The following MOV10L1 variants were observed in gnomAD, a reference collection of about 807,000 sequenced individuals.
The protein encoded by MOV10L1 is RNA helicase Mov10l1.
A neutral mutation model predicts 143.8 loss-of-function variants in MOV10L1; 110 were observed. The ratio of observed to expected loss-of-function variants is 0.76; its 90% CI spans 0.66 to 0.90. The LOEUF (loss-of-function observed/expected upper bound fraction) is 0.90, where lower values mean the gene tolerates loss of function less well. MOV10L1 is among the 40% of genes least tolerant of loss of function. MOV10L1 has a pLI of 0.00. For missense variants in MOV10L1, 1,406 were observed against 1,526.8 expected, an observed-to-expected ratio of 0.92 and a Z score of 1.32; for synonymous variants, 593 against 581.1, an observed-to-expected ratio of 1.02 and a Z score of -0.29.
chr22:50,144,270 G>A (rs781544174), intron 18 of MOV10L1, 27 bp downstream of exon 18: 2 of 1,578,676 alleles, frequency 1.3e-6, no homozygotes, highest in Non-Finnish European at 1.7e-6. Flanking sequence ...AGCAGTGGGG[G>A]GCACCAGAAC....
chr22:50,096,974 G>C (rs2062605668), intron 2 of MOV10L1, among the ~76,000 whole-genome samples: 1 of 151,900 alleles, frequency 6.6e-6, no homozygotes, highest in Non-Finnish European at 1.5e-5. Flanking sequence ...TTTAAATTTT[G>C]GTGGAAGTCT....
intron 11 of MOV10L1, 32 bp from the exon 12 acceptor site, chr22:50,126,170 G>A (rs745790489): frequency 2.0e-6 from 3 of 1,474,376 alleles, no homozygotes; most frequent in Admixed American, 3.4e-5. Context: ...TTTTGTGTTA[G>A]CTTTAAACAT....
intron 22 of MOV10L1, among the ~76,000 whole-genome samples, chr22:50,155,039 T>C (rs1434558159): frequency 6.6e-6 from 1 of 152,186 alleles, no homozygotes; most frequent in Non-Finnish European, 1.5e-5. Flanking sequence ...TTATCTTTCT[T>C]AGTCATTTTA....
intron 7 of MOV10L1, 53 bp downstream of exon 7, chr22:50,114,675 G>T: frequency 6.3e-7 from 1 of 1,597,650 alleles, no homozygotes; most frequent in Admixed American, 1.7e-5. Flanking sequence ...TGGGGGCCGT[G>T]GGGTTGTGAG....
intron 18 of MOV10L1, among the ~76,000 whole-genome samples, chr22:50,145,476 G>C (rs1054995751): frequency 2.6e-5 from 4 of 152,270 alleles, no homozygotes; most frequent in Middle Eastern, 6.8e-3. Flanking sequence ...AAGTTGTTTT[G>C]GGGAAGGGTC....
In MOV10L1 at chr22:50,158,290, C is replaced by T; in HGVS notation, c.3216+84C>T. The stretch of plus-strand genomic sequence containing the variant: ...TCCTGCAGCTCCACAGAGGCAGGAA[C>T]AAGCTCCTTGTGAGCAGCAGCAGGT... On this transcript the variant is annotated intron_variant, in intron 23 of 26. Coordinates refer to ENST00000262794, the MANE Select transcript of MOV10L1 (RefSeq NM_018995.3). The surrounding 1 kb of genome is among the most constrained non-coding windows in gnomAD (Gnocchi z 5.0). The T allele has an allele frequency of 6.5e-7, 1 of 1,541,292 alleles. No individual in the cohort carries two copies. The highest frequency in any genetic ancestry group is 8.9e-7 in the Non-Finnish European group (1 of 1,128,940).
chr22:50,113,395 A>G (rs2340597), intron 5 of MOV10L1, among the ~76,000 whole-genome samples: 34,189 of 152,108 alleles, frequency 0.22, 4,202 homozygotes, highest in Admixed American at 0.35. Flanking sequence ...GAGCACGTTC[A>G]GGACACCGTT....
At chr22:50,121,125 G>A (rs1375363141) in intron 10 of MOV10L1, among the ~76,000 whole-genome samples, 1 of 152,186 alleles carries the variant, frequency 6.6e-6, no homozygotes, top group Non-Finnish European at 1.5e-5. Context: ...TTTGAGGGGA[G>A]AACATTGCCC....
chr22:50,113,190 A>G (rs944756814), intron 5 of MOV10L1, among the ~76,000 whole-genome samples: 6 of 152,262 alleles, frequency 3.9e-5, no homozygotes, highest in African/African-American at 1.4e-4. Flanking sequence ...TCATTTTCTA[A>G]AGAGAAAAAC....
intron 18 of MOV10L1, among the ~76,000 whole-genome samples, chr22:50,145,384 T>C (rs1225332335): frequency 6.6e-6 from 1 of 152,154 alleles, no homozygotes; most frequent in Non-Finnish European, 1.5e-5. Flanking sequence ...ATTGCACCAT[T>C]GCACTCCAGC....
At chr22:50,126,848 C>G (rs972691766) in intron 12 of MOV10L1, among the ~76,000 whole-genome samples, 2 of 152,122 alleles carry the variant, frequency 1.3e-5, no homozygotes, top group African/African-American at 4.8e-5. Context: ...CCTTTACTGT[C>G]AGAAGGAAGA....
chr22:50,106,858 C>T (rs917896363), intron 3 of MOV10L1, among the ~76,000 whole-genome samples: 9 of 151,446 alleles, frequency 5.9e-5, no homozygotes, highest in Non-Finnish European at 1.0e-4. Context: ...CCTGCCACCA[C>T]GCCTGGCTAA....
intron 10 of MOV10L1, among the ~76,000 whole-genome samples, chr22:50,121,335 C>T (rs145960262): frequency 6.6e-6 from 1 of 152,224 alleles, no homozygotes; most frequent in Non-Finnish European, 1.5e-5. Context: ...CTTGTTTTAC[C>T]AGGAGGACAG....
At chr22:50,133,276 T>C (rs2062728446) in intron 13 of MOV10L1, among the ~76,000 whole-genome samples, 1 of 151,576 alleles carries the variant, frequency 6.6e-6, no homozygotes, top group Admixed American at 6.6e-5. Context: ...AGATAGATTC[T>C]TATTTTAGTG....
chr22:50,106,183 G>C (rs2061860327), intron 3 of MOV10L1, among the ~76,000 whole-genome samples: 1 of 151,968 alleles, frequency 6.6e-6, no homozygotes, highest in Admixed American at 6.6e-5. Flanking sequence ...TTAGAGACGG[G>C]GTCTTGCTCT....
intron 3 of MOV10L1, among the ~76,000 whole-genome samples, chr22:50,106,686 T>A (rs2061875494): frequency 6.7e-6 from 1 of 150,334 alleles, no homozygotes; most frequent in African/African-American, 2.4e-5. Context: ...AAATTGTGGT[T>A]TTAGGACATG....
At chr22:50,095,330 G>A (rs2062561669) in intron 2 of MOV10L1, 1 of 152,104 alleles carries the variant, frequency 6.6e-6, no homozygotes, top group Non-Finnish European at 1.5e-5. Context: ...TAGTATTTAT[G>A]GACTTCCATC....
rs2062383502 is a variant in MOV10L1 at position 50,090,047 on chromosome 22, G to T, written c.-42G>T. The T allele has an allele frequency of 8.3e-7, 1 of 1,202,022 alleles. No individual in the cohort carries two copies. Among genetic ancestry groups the T allele is most frequent in the Non-Finnish European group, 1.0e-6 (1 of 966,622 alleles). 74.5% of individuals were successfully genotyped at this position (1,202,022 alleles called of 1,614,324 possible). ...GGGAGCGGCGCGGGCGCGTGCGGGC[G>T]GCGGCAGCGGCGGTGACGGCAGCCT... is the stretch of plus-strand genomic sequence containing the variant. On this transcript the variant is annotated 5_prime_UTR_variant, in exon 1 of 27. Coordinates refer to ENST00000262794, the MANE Select transcript of MOV10L1 (RefSeq NM_018995.3).
intron 2 of MOV10L1, among the ~76,000 whole-genome samples, chr22:50,098,450 C>T (rs139546346): frequency 6.6e-6 from 1 of 152,230 alleles, no homozygotes; most frequent in East Asian, 1.9e-4. Flanking sequence ...ACTAAGTGTT[C>T]TGAGGAATTA....
Sources: gnomAD v4.1 joint callset for allele counts (sites outside exome capture counted in the v4.1 genomes callset) on GRCh38, gnomAD v4.1.1 for gene constraint, Gnocchi (gnomAD v3.1) non-coding constraint, MANE v1.5 for transcripts, NCBI Gene and HGNC (gene_info 2026-07-23, HGNC 2026-07-21) for gene names.